TRHDE: variants seen among roughly 807,000 people sequenced by gnomAD.
TRHDE encodes thyrotropin-releasing hormone-degrading ectoenzyme.
TRHDE carries 72 observed loss-of-function variants against 125.7 expected under a neutral mutation model. The observed-to-expected ratio is 0.57, with a 90% CI of 0.47 to 0.70. The LOEUF is 0.70. Among genes scored for constraint, TRHDE ranks in the 30% least tolerant of loss-of-function variants. The probability of loss-of-function intolerance (pLI) is 0.00; values close to 1 mark genes in which losing one functional copy is unlikely to be tolerated. For missense variants in TRHDE, 1,110 were observed against 1,327.1 expected (o/e 0.84, Z 2.54); for synonymous variants, 509 against 509.1 (o/e 1.00, Z 0.00).
At chr12:72,303,867 A>C (rs1379630014) in intron 2 of TRHDE, among the ~76,000 whole-genome samples, 1 of 152,194 alleles carries the variant, frequency 6.6e-6, no homozygotes, top group African/African-American at 2.4e-5. Context: ...ATCTAGGGGA[A>C]GGGACATTGG....
chr12:72,468,168 C>G (rs1876473135), intron 3 of TRHDE, among the ~76,000 whole-genome samples: 1 of 152,080 alleles, frequency 6.6e-6, no homozygotes, highest in Non-Finnish European at 1.5e-5. Context: ...TCTCTATGCA[C>G]GTGTTCATGT....
At chr12:72,238,380 TA>T (rs1177496226) in intron 2 of TRHDE, among the ~76,000 whole-genome samples, 3 of 97,022 alleles carry the variant, frequency 3.1e-5, no homozygotes, top group African/African-American at 7.4e-5. Flanking sequence ...CATATATATA[TA>T]TTTTTTTTTA....
chr12:72,308,716 G>A (rs1369072242), intron 2 of TRHDE, among the ~76,000 whole-genome samples: 1 of 152,046 alleles, frequency 6.6e-6, no homozygotes, highest in Non-Finnish European at 1.5e-5. Context: ...GTCCAATTAA[G>A]TATTGTTTCT....
chr12:72,428,253 TGAC>T (rs1162861574), intron 3 of TRHDE, among the ~76,000 whole-genome samples: 3 of 152,236 alleles, frequency 2.0e-5, no homozygotes, highest in African/African-American at 7.2e-5. Context: ...TGACTCTTGA[TGAC>T]AAGCACAGCA....
chr12:72,428,764 T>A (rs1874297576), intron 3 of TRHDE, among the ~76,000 whole-genome samples: 1 of 152,152 alleles, frequency 6.6e-6, no homozygotes, highest in Non-Finnish European at 1.5e-5. Context: ...TTCTTCACCA[T>A]ACCCTGCCTA....
intron 15 of TRHDE, among the ~76,000 whole-genome samples, chr12:72,635,784 C>G (rs1463747181): frequency 2.6e-5 from 4 of 152,000 alleles, no homozygotes; most frequent in Admixed American, 6.6e-5. Flanking sequence ...GCTTGTTTTT[C>G]TCAGGTTTGT....
intron 3 of TRHDE, among the ~76,000 whole-genome samples, chr12:72,468,157 G>C (rs1421700465): frequency 6.6e-6 from 1 of 152,096 alleles, no homozygotes; most frequent in African/African-American, 2.4e-5. Context: ...TGCCATTACT[G>C]TCTCTATGCA....
intron 5 of TRHDE, among the ~76,000 whole-genome samples, chr12:72,484,489 A>C (rs1482896559): frequency 2.0e-5 from 3 of 152,212 alleles, no homozygotes; most frequent in Admixed American, 2.0e-4. Context: ...TATATGCTTT[A>C]TCAGATTAGA....
intron 2 of TRHDE, among the ~76,000 whole-genome samples, chr12:72,342,234 AC>A (rs1483763663): frequency 2.0e-5 from 3 of 152,248 alleles, no homozygotes; most frequent in African/African-American, 7.2e-5. Context: ...CATGGTTATA[AC>A]CTTTTTGCTA....
At chr12:72,145,148 G>A (rs1004170212) in intron 2 of TRHDE, among the ~76,000 whole-genome samples, 4 of 152,152 alleles carry the variant, frequency 2.6e-5, no homozygotes, top group Admixed American at 2.0e-4. Flanking sequence ...CCCAAGTTGA[G>A]TTTCCATCAC....
Position 72,272,977 on chromosome 12 carries a change from G to T in TRHDE, c.334G>T (p.Glu112Ter). 2 of 1,560,158 alleles carry T rather than the reference G, an allele frequency of 1.3e-6. No homozygotes were observed. The highest frequency in any genetic ancestry group is 2.3e-5 in the East Asian group (1 of 42,704). ...LAVLLSLRFD[E>*]CGASATPGAD... ...TGTGCTGCTCAGCCTGCGCTTCGAC[G>T]AGTGCGGGGCGAGTGCCACGCCAGG... The change falls in exon 1 of 19, where the codon GAG (glutamate) becomes TAG (stop). Residue 112 changes from glutamate to a stop codon, truncating the protein, a stop_gained. Coordinates refer to ENST00000261180, the MANE Select transcript of TRHDE (RefSeq NM_013381.3). LOFTEE classifies it high-confidence loss of function. The surrounding 1 kb of genome is among the most constrained non-coding windows in gnomAD (Gnocchi z 6.7).
At chr12:72,213,337 A>T (rs933627207) in intron 2 of TRHDE, among the ~76,000 whole-genome samples, 1 of 152,162 alleles carries the variant, frequency 6.6e-6, no homozygotes, top group Admixed American at 6.5e-5. Context: ...TGGGTAAATT[A>T]TACTGCAAAT....
At chr12:72,663,017 A>G in intron 18 of TRHDE, 35 bp from the exon 19 acceptor site, 1 of 1,580,484 alleles carries the variant, frequency 6.3e-7, no homozygotes, top group African/African-American at 1.4e-5. Context: ...TTTTTAAGAC[A>G]GGCAGATTTA....
intron 2 of TRHDE, among the ~76,000 whole-genome samples, chr12:72,358,557 T>A (rs1398964080): frequency 1.3e-5 from 2 of 151,532 alleles, no homozygotes; most frequent in African/African-American, 4.8e-5. Context: ...AGTTAAAAGT[T>A]CTACATGGGT....
At chr12:72,317,655 A>T (rs538560455) in intron 2 of TRHDE, among the ~76,000 whole-genome samples, 21 of 152,316 alleles carry the variant, frequency 1.4e-4, no homozygotes, top group Middle Eastern at 3.4e-3. Flanking sequence ...TTGGAGATAT[A>T]GTTTAAATTT....
At position 72,273,886 on chromosome 12, in the gene TRHDE, A is replaced by G; in HGVS notation, c.914+329A>G. 1 of 290,820 alleles carries G rather than the reference A, an allele frequency of 3.4e-6. No individual in the cohort carries two copies. The highest frequency in any genetic ancestry group is 6.5e-6 in the Non-Finnish European group (1 of 154,904). The allele number at this position is 290,820 out of a possible 1,614,324, so 18.0% of individuals were successfully genotyped here. ...TTTCTGAAGGGTAGCTGATAATCTG[A>G]GCGATGCCAGAGTGACATGAAAAGC... On this transcript the variant is annotated intron_variant, in intron 1 of 18. Coordinates refer to ENST00000261180, the MANE Select transcript of TRHDE (RefSeq NM_013381.3). The surrounding 1 kb of genome is among the most constrained non-coding windows in gnomAD (Gnocchi z 5.3).
intron 12 of TRHDE, among the ~76,000 whole-genome samples, chr12:72,615,146 T>TC (rs1454390640): frequency 6.6e-6 from 1 of 152,088 alleles, no homozygotes; most frequent in Non-Finnish European, 1.5e-5. Context: ...GATTCCCAAA[T>TC]CATCTCTTAT....
intron 2 of TRHDE, among the ~76,000 whole-genome samples, chr12:72,297,010 A>G (rs906712343): frequency 6.6e-6 from 1 of 152,176 alleles, no homozygotes; most frequent in Non-Finnish European, 1.5e-5. Flanking sequence ...GAGCTACCTG[A>G]TGTTAATGGC....
chr12:72,589,344 T>C (rs1169926198), intron 12 of TRHDE, among the ~76,000 whole-genome samples: 1 of 152,186 alleles, frequency 6.6e-6, no homozygotes, highest in Non-Finnish European at 1.5e-5. Flanking sequence ...TGCACTTTTA[T>C]TTTTTTCTTA....
Sources: gnomAD v4.1 joint callset for allele counts (sites outside exome capture counted in the v4.1 genomes callset) on GRCh38, gnomAD v4.1.1 for gene constraint, Gnocchi (gnomAD v3.1) non-coding constraint, MANE v1.5 for transcripts, NCBI Gene and HGNC (gene_info 2026-07-23, HGNC 2026-07-21) for gene names.